The following RBMS3 variants were observed in gnomAD, a reference collection of about 807,000 sequenced individuals.
RBMS3 encodes RNA binding motif single stranded interacting protein 3, also known as RNA-binding motif, single-stranded-interacting protein 3.
Under a neutral mutation model 66.8 loss-of-function variants are expected in RBMS3, and 27 were observed. That is an observed-to-expected ratio of 0.40 (90% CI 0.30 to 0.56). The LOEUF (loss-of-function observed/expected upper bound fraction) is 0.56, where lower values mean the gene tolerates loss of function less well. Among genes scored for constraint, RBMS3 ranks in the 20% least tolerant of loss-of-function variants. The pLI is 0.40. For missense variants in RBMS3, 513 were observed against 549.5 expected (o/e 0.93, Z 0.66); for synonymous variants, 188 against 183.0 (o/e 1.03, Z -0.22).
At chr3:29,948,494 AAG>A (rs1695470028) in intron 12 of RBMS3, among the ~76,000 whole-genome samples, 1 of 151,840 alleles carries the variant, frequency 6.6e-6, no homozygotes, top group African/African-American at 2.4e-5. Context: ...CAAGGAGAAC[AAG>A]ACCATCTTTC....
intron 3 of RBMS3, among the ~76,000 whole-genome samples, chr3:29,526,727 T>C (rs1559439039): frequency 2.6e-5 from 4 of 152,106 alleles, no homozygotes; most frequent in Non-Finnish European, 4.4e-5. Flanking sequence ...ACTTAGTCTT[T>C]ATTTCATCTC....
At chr3:29,725,079 A>C (rs1341912323) in intron 4 of RBMS3, among the ~76,000 whole-genome samples, 1 of 152,224 alleles carries the variant, frequency 6.6e-6, no homozygotes, top group African/African-American at 2.4e-5. Flanking sequence ...ATGGAAATCG[A>C]CAAGTGACTT....
At chr3:29,365,728 C>G (rs562376013) in intron 1 of RBMS3, among the ~76,000 whole-genome samples, 1 of 152,108 alleles carries the variant, frequency 6.6e-6, no homozygotes, top group South Asian at 2.1e-4. Context: ...TCACTTCTGC[C>G]GTTAGGTACA....
intron 1 of RBMS3, among the ~76,000 whole-genome samples, chr3:29,373,051 T>G (rs2038289891): frequency 6.6e-6 from 1 of 152,188 alleles, no homozygotes; most frequent in African/African-American, 2.4e-5. Context: ...CACATAACTT[T>G]CTCTGGGTTT....
chr3:29,814,810 C>A (rs1164040098), intron 6 of RBMS3, among the ~76,000 whole-genome samples: 2 of 152,186 alleles, frequency 1.3e-5, no homozygotes, highest in East Asian at 1.9e-4. Flanking sequence ...ATTGGTATCT[C>A]ATTTTCCATC....
At chr3:29,693,602 C>T (rs1046345591) in intron 4 of RBMS3, among the ~76,000 whole-genome samples, 1 of 152,016 alleles carries the variant, frequency 6.6e-6, no homozygotes, top group Non-Finnish European at 1.5e-5. Context: ...CATGTTACTT[C>T]AAAAGATTAT....
intron 6 of RBMS3, among the ~76,000 whole-genome samples, chr3:29,822,859 G>A (rs939447625): frequency 1.3e-5 from 2 of 152,062 alleles, no homozygotes; most frequent in African/African-American, 4.8e-5. Context: ...AGGTGGTAGG[G>A]TTAGTGGTAA....
intron 2 of RBMS3, among the ~76,000 whole-genome samples, chr3:29,482,409 G>T (rs1295997043): frequency 1.8e-4 from 28 of 152,112 alleles, no homozygotes; most frequent in African/African-American, 5.8e-4. Context: ...TAAAGAACAA[G>T]GAAAGGCACA....
intron 6 of RBMS3, among the ~76,000 whole-genome samples, chr3:29,783,281 C>A (rs2056702714): frequency 6.6e-6 from 1 of 152,110 alleles, no homozygotes; most frequent in South Asian, 2.1e-4. Flanking sequence ...AGGAAAGAAT[C>A]TTAAGAGCTG....
At position 29,467,293 on chromosome 3, in the gene RBMS3, T is replaced by C. The variant is rs577135820; in HGVS notation, c.249-21148T>C. On this transcript the variant is annotated intron_variant, in intron 2 of 14. Coordinates refer to ENST00000383767, the MANE Select transcript of RBMS3 (RefSeq NM_001003793.3). ...AAGTTCAAATGTACCATTTAGCTAC[T>C]TCAGTTTTAGTAATTGCAGGGTTTT... Among the ~76,000 whole-genome samples the C allele has an allele frequency of 4.5e-4, 69 of 152,318 alleles. 2 individuals carry two copies. The South Asian group carries it at 0.014, about 32-fold the overall frequency.
At chr3:29,413,451 A>G (rs2040362447) in intron 1 of RBMS3, among the ~76,000 whole-genome samples, 1 of 152,164 alleles carries the variant, frequency 6.6e-6, no homozygotes, top group Admixed American at 6.5e-5. Flanking sequence ...AAAAGCTAGG[A>G]GAAATGCAGT....
intron 3 of RBMS3, among the ~76,000 whole-genome samples, chr3:29,530,506 G>A (rs560360059): frequency 4.6e-5 from 7 of 152,074 alleles, no homozygotes; most frequent in South Asian, 4.1e-4. Flanking sequence ...TTGATAGCAC[G>A]TATGTAAAAT....
intron 2 of RBMS3, among the ~76,000 whole-genome samples, chr3:29,468,449 G>A (rs2042612125): frequency 6.6e-6 from 1 of 152,080 alleles, no homozygotes; most frequent in Non-Finnish European, 1.5e-5. Flanking sequence ...ACCTAATCTG[G>A]AATAAGTTAA....
intron 4 of RBMS3, among the ~76,000 whole-genome samples, chr3:29,729,330 T>C (rs886384319): frequency 6.6e-6 from 1 of 152,194 alleles, no homozygotes; most frequent in Non-Finnish European, 1.5e-5. Flanking sequence ...ATCCTTTTTA[T>C]GTCTGCATAG....
At chr3:29,748,123 T>C (rs1426281881) in intron 5 of RBMS3, among the ~76,000 whole-genome samples, 2 of 152,064 alleles carry the variant, frequency 1.3e-5, no homozygotes, top group Non-Finnish European at 1.5e-5. Context: ...AGAGGGAACA[T>C]TGAAACTAAA....
chr3:29,362,431 G>C (rs141724117), intron 1 of RBMS3, among the ~76,000 whole-genome samples: 16,534 of 152,142 alleles, frequency 0.11, 1,045 homozygotes, highest in East Asian at 0.22. Context: ...AGGAGTACCC[G>C]GCCTTGTGAG....
intron 7 of RBMS3, among the ~76,000 whole-genome samples, chr3:29,869,254 AT>A (rs1295918695): frequency 2.0e-5 from 3 of 152,226 alleles, no homozygotes; most frequent in African/African-American, 7.2e-5. Flanking sequence ...ATTGATTTCT[AT>A]TTGTGTAATA....
intron 1 of RBMS3, among the ~76,000 whole-genome samples, chr3:29,362,134 G>C (rs2037633643): frequency 6.6e-6 from 1 of 152,274 alleles, no homozygotes; most frequent in Middle Eastern, 3.4e-3. Context: ...CTGATTTTTA[G>C]AATTTTCAGT....
At chr3:29,817,005 C>T (rs542922934) in intron 6 of RBMS3, among the ~76,000 whole-genome samples, 31 of 152,040 alleles carry the variant, frequency 2.0e-4, no homozygotes, top group African/African-American at 6.3e-4. Context: ...GCAAGAGAAT[C>T]GCTTGAACCC....
Sources: gnomAD v4.1 joint callset for allele counts (sites outside exome capture counted in the v4.1 genomes callset) on GRCh38, gnomAD v4.1.1 for gene constraint, MANE v1.5 for transcripts, NCBI Gene and HGNC (gene_info 2026-07-23, HGNC 2026-07-21) for gene names.